Variants in VWA3A observed in about 807,000 individuals in gnomAD.
VWA3A encodes the protein von Willebrand factor A domain containing 3A.
Under a neutral mutation model 160.4 loss-of-function variants are expected in VWA3A, and 134 were observed. That is an observed-to-expected ratio of 0.84 (90% CI 0.73 to 0.96). VWA3A has a LOEUF of 0.96. Among genes scored for constraint, VWA3A ranks in the 40% least tolerant of loss-of-function variants. VWA3A has a pLI of 0.00. For missense variants in VWA3A, 1,310 were observed against 1,447.9 expected (o/e 0.90, Z 1.55); for synonymous variants, 476 against 543.4 (o/e 0.88, Z 1.72).
intron 28 of VWA3A, 122 bp from the exon 29 acceptor site, chr16:22,149,665 A>C: frequency 7.9e-7 from 1 of 1,266,318 alleles, no homozygotes; most frequent in Non-Finnish European, 1.0e-6. Flanking sequence ...AGGGGTCTTC[A>C]GTGACGAGCA....
intron 27 of VWA3A, 58 bp downstream of exon 27, chr16:22,146,402 C>A (rs2046252315): frequency 7.0e-7 from 1 of 1,434,504 alleles, no homozygotes; most frequent in African/African-American, 1.4e-5. Flanking sequence ...AGAAGGCTAG[C>A]CCCAGGGACC....
chr16:22,155,482 A>G lies in VWA3A; in HGVS notation c.3406-85A>G. The G allele has an allele frequency of 2.5e-6, 3 of 1,204,270 alleles. No individual in the cohort carries two copies. In the South Asian group the frequency reaches 3.7e-5, roughly 15 times the overall value. 74.6% of individuals were successfully genotyped at this position (1,204,270 alleles called of 1,614,324 possible). On this transcript the variant is annotated intron_variant, in intron 31 of 33. Transcript: ENST00000389398. ...TGCACTGGATGGAAACCAGAACGTG[A>G]TTAGCTCTAAAATGCTTTTCCTGAG...
chr16:22,099,179 G>C (rs945586013), intron 3 of VWA3A, among the ~76,000 whole-genome samples: 4 of 152,118 alleles, frequency 2.6e-5, no homozygotes, highest in Admixed American at 2.6e-4. Flanking sequence ...GTGACATCTA[G>C]TGTCCATGTG....
chr16:22,098,150 G>A (rs563484244), intron 3 of VWA3A, among the ~76,000 whole-genome samples: 1 of 152,292 alleles, frequency 6.6e-6, no homozygotes, highest in South Asian at 2.1e-4. Context: ...GAGGGTGAGT[G>A]GATTGTCTAG....
chr16:22,105,948 T>C (rs994762134), intron 6 of VWA3A, among the ~76,000 whole-genome samples: 1 of 152,214 alleles, frequency 6.6e-6, no homozygotes, highest in East Asian at 1.9e-4. Flanking sequence ...ACTACCAACA[T>C]GACCAGTACT....
At chr16:22,110,364 T>C (rs547753262) in intron 7 of VWA3A, among the ~76,000 whole-genome samples, 21 of 152,240 alleles carry the variant, frequency 1.4e-4, no homozygotes, top group South Asian at 8.3e-4. Context: ...TGAGGCTCAG[T>C]GTGGGGCTGT....
rs762126246 is a variant in VWA3A at position 22,131,632 on chromosome 16, C to T, written c.1775C>T (p.Ala592Val). The change falls in exon 19 of 34, where the codon GCC becomes GTC. Residue 592 changes from alanine to valine, a missense_variant. Ala to Val is a moderately conservative substitution (Grantham distance 64). Coordinates refer to ENST00000389398, the MANE Select transcript of VWA3A (RefSeq NM_173615.5). Reference sequence around the variant, plus strand: ...CGGGGCAGCAGGAACGTTCTCAGCGCCCTGCGGAAGGCTGTGGAAGTAGAC... The same window carrying T: ...CGGGGCAGCAGGAACGTTCTCAGCGTCCTGCGGAAGGCTGTGGAAGTAGAC... ...RCRGSRNVLSALRKAVEVDFK... is the reference protein window; with the variant it reads ...RCRGSRNVLSVLRKAVEVDFK... 3.1e-6 allele frequency: 5 copies of T among 1,613,936 alleles called. No individual in the cohort carries two copies. In the Admixed American group the frequency reaches 5.0e-5, roughly 16 times the overall value.
intron 3 of VWA3A, among the ~76,000 whole-genome samples, chr16:22,099,302 G>T (rs1414664738): frequency 1.3e-5 from 2 of 152,176 alleles, no homozygotes; most frequent in Non-Finnish European, 2.9e-5. Context: ...AATCTTGCCC[G>T]TCAGTCCTCT....
intron 26 of VWA3A, 43 bp downstream of exon 26, chr16:22,144,427 C>T: frequency 6.2e-7 from 1 of 1,605,420 alleles, no homozygotes; most frequent in Non-Finnish European, 8.5e-7. Context: ...TCTCCCCCAA[C>T]TCAGCTGCAA....
intron 21 of VWA3A, 135 bp downstream of exon 21, chr16:22,134,573 A>G (rs1877390351): frequency 2.7e-6 from 2 of 752,664 alleles, no homozygotes; most frequent in African/African-American, 3.6e-5. Context: ...GAAGTCTGAA[A>G]TCAAGGTGTC....
chr16:22,137,012 G>A (rs1193153828), intron 21 of VWA3A, among the ~76,000 whole-genome samples: 1 of 152,024 alleles, frequency 6.6e-6, no homozygotes, highest in African/African-American at 2.4e-5. Flanking sequence ...GGCAGAGATT[G>A]CAGTGAGCCA....
At chr16:22,149,336 C>T (rs542660154) in intron 28 of VWA3A, among the ~76,000 whole-genome samples, 3 of 152,234 alleles carry the variant, frequency 2.0e-5, no homozygotes, top group Non-Finnish European at 4.4e-5. Flanking sequence ...ACGTCCTGGG[C>T]TCAAGTGATC....
At chr16:22,097,549 T>C (rs2045345507) in intron 2 of VWA3A, 23 bp from the exon 3 acceptor site, 1 of 1,550,540 alleles carries the variant, frequency 6.4e-7, no homozygotes, top group Non-Finnish European at 8.7e-7. Context: ...GGGGCATTGA[T>C]CAAATTACTT....
intron 22 of VWA3A, 119 bp from the exon 23 acceptor site, chr16:22,140,035 C>T: frequency 1.1e-6 from 1 of 926,592 alleles, no homozygotes; most frequent in Non-Finnish European, 1.7e-6. Flanking sequence ...TCTGAGGAGT[C>T]CCCTCCCTTA....
intron 11 of VWA3A, 30 bp from the exon 12 acceptor site, chr16:22,118,872 C>T (rs368458301): frequency 9.7e-5 from 157 of 1,612,832 alleles, no homozygotes; most frequent in Admixed American, 4.0e-4. Flanking sequence ...CAAGTGATTC[C>T]GGATGTCTGA....
Position 22,129,402 on chromosome 16 carries a change from A to AAAAG in VWA3A, c.1653-1781_1653-1778dup, listed in dbSNP as rs1555458652. Reference sequence around the variant, plus strand: ...AGACTCCATCTCAAAAAAAAAAAAAAAAAGAAAGAAAGAAAGAAAGAAAGA... The same window carrying AAAAG: ...AGACTCCATCTCAAAAAAAAAAAAAAAAAGAAAGAAAGAAAGAAAGAAAGAAAGA... On this transcript the variant is annotated intron_variant, in intron 17 of 33. Transcript: ENST00000389398. Among the ~76,000 whole-genome samples the AAAAG allele has an allele frequency of 4.3e-3, 506 of 118,880 alleles. 2 individuals are homozygous for AAAAG. The highest frequency in any genetic ancestry group is 8.2e-3 in the South Asian group (26 of 3,182). 78.0% of individuals were successfully genotyped at this position (118,880 alleles called of 152,430 possible).
chr16:22,129,164 C>T (rs1251990410), intron 17 of VWA3A, among the ~76,000 whole-genome samples: 5 of 151,056 alleles, frequency 3.3e-5, no homozygotes, highest in African/African-American at 4.9e-5. Flanking sequence ...CCGAGGCGGG[C>T]GGATCACGAG....
intron 1 of VWA3A, among the ~76,000 whole-genome samples, chr16:22,096,224 G>T (rs1324535637): frequency 2.0e-5 from 3 of 152,160 alleles, no homozygotes; most frequent in Admixed American, 6.5e-5. Flanking sequence ...GCTTTATCTT[G>T]TTCACCATTG....
At chr16:22,120,409 TAAAG>T (rs1307013257) in intron 12 of VWA3A, among the ~76,000 whole-genome samples, 1 of 152,162 alleles carries the variant, frequency 6.6e-6, no homozygotes, top group Non-Finnish European at 1.5e-5. Flanking sequence ...TTTTTAAAAT[TAAAG>T]AAAATTAATA....
Sources: gnomAD v4.1 joint callset for allele counts (sites outside exome capture counted in the v4.1 genomes callset) on GRCh38, gnomAD v4.1.1 for gene constraint, MANE v1.5 for transcripts, NCBI Gene and HGNC (gene_info 2026-07-23, HGNC 2026-07-21) for gene names.